Variants in LOXL4 observed in about 807,000 individuals in gnomAD.
The protein encoded by LOXL4 is lysyl oxidase homolog 4.
A neutral mutation model predicts 89.1 loss-of-function variants in LOXL4; 72 were observed. The observed-to-expected ratio is 0.81, with a 90% CI of 0.67 to 0.98. The LOEUF (loss-of-function observed/expected upper bound fraction) is 0.98. LOXL4 is among the 50% of genes least tolerant of loss of function. The pLI is 0.00. For missense variants in LOXL4, 984 were observed against 1,017.5 expected (o/e 0.97, Z 0.45); for synonymous variants, 355 against 392.1 (o/e 0.91, Z 1.12).
rs931398369 is a variant in LOXL4, at chr10:98,252,615, A to G, written c.1836-147T>C. ...TGCCCTTCTCCCTCCCAAACCCGAG[A>G]TTAGTGTGACGCACAGCCTCCTTTG... On this transcript the variant is annotated intron_variant, in intron 11 of 14. Transcript: ENST00000260702. 5 of 599,708 alleles carry G rather than the reference A, an allele frequency of 8.3e-6. No homozygotes were observed. In the African/African-American group the frequency reaches 9.4e-5, roughly 11 times the overall value. The allele number at this position is 599,708 out of a possible 1,614,324, so 37.1% of individuals were successfully genotyped here. A position where few individuals can be genotyped will look rare whatever the true frequency, so the allele number is the denominator to read the frequency against.
Position 98,262,722 on chromosome 10 carries a change from T to C in LOXL4, c.277+21A>G, listed in dbSNP as rs756494754. The stretch of plus-strand genomic sequence containing the variant: ...TGTTACCATCTCCTTGCCATCCCAC[T>C]AGGTGGCACCAGTCACTCACCCTCC... On this transcript the variant is annotated intron_variant, in intron 2 of 14. Coordinates refer to ENST00000260702, the MANE Select transcript of LOXL4 (RefSeq NM_032211.7). 3.1e-6 allele frequency: 5 copies of C among 1,603,562 alleles called. No individual in the cohort carries two copies. The South Asian group carries it at 4.4e-5, about 14-fold the overall frequency.
intron 8 of LOXL4, among the ~76,000 whole-genome samples, 172 bp downstream of exon 8, chr10:98,257,478 A>G (rs1379518156): frequency 2.0e-5 from 3 of 152,126 alleles, no homozygotes; most frequent in Non-Finnish European, 2.9e-5. Flanking sequence ...GGCCTCTGAC[A>G]TTTCGGAGGG....
intron 6 of LOXL4, 149 bp from the exon 7 acceptor site, chr10:98,258,313 T>A: frequency 1.4e-6 from 1 of 740,628 alleles, no homozygotes; most frequent in Non-Finnish European, 2.1e-6. Flanking sequence ...GCTTCTGACT[T>A]CCCATAGCTG....
chr10:98,264,103 T>A (rs1157838583), intron 1 of LOXL4, among the ~76,000 whole-genome samples: 1 of 151,932 alleles, frequency 6.6e-6, no homozygotes, highest in Admixed American at 6.6e-5. Flanking sequence ...TTGGATACCC[T>A]GTGATAGCCT....
At chr10:98,258,946 A>C in intron 6 of LOXL4, 63 bp downstream of exon 6, 1 of 1,363,230 alleles carries the variant, frequency 7.3e-7, no homozygotes, top group Non-Finnish European at 9.9e-7. Flanking sequence ...CGCACCCCCC[A>C]CCAGGCAGTG....
At chr10:98,251,449 G>T in intron 13 of LOXL4, 117 bp downstream of exon 13, 1 of 1,402,168 alleles carries the variant, frequency 7.1e-7, no homozygotes. Flanking sequence ...GCTCCTTTAA[G>T]TGACAGGCCT....
In LOXL4 at chr10:98,257,678, T is replaced by C; in HGVS notation, c.1232A>G (p.Asn411Ser). The C allele has an allele frequency of 6.2e-7, 1 of 1,614,060 alleles. No individual in the cohort carries two copies. Among genetic ancestry groups the C allele is most frequent in the Non-Finnish European group, 8.5e-7 (1 of 1,179,964 alleles). The change falls in exon 8 of 15, where the codon AAT becomes AGT. Residue 411 changes from asparagine (N) to serine (S), a missense_variant. Transcript: ENST00000260702. ...ATTCTGAAAGCCCATGTTAGGGACA[T>C]TGCACCTGACAGCAGCATCATTCTC... ...QHENDAAVRC[N>S]VPNMGFQNQV...
At chr10:98,253,840 G>A in intron 10 of LOXL4, 44 bp from the exon 11 acceptor site, 4 of 1,609,742 alleles carry the variant, frequency 2.5e-6, no homozygotes, top group Non-Finnish European at 3.4e-6. Context: ...GGGTGGAAAG[G>A]CAGCCAGTCT....
At chr10:98,252,195 T>G in intron 12 of LOXL4, 158 bp downstream of exon 12, 1 of 627,392 alleles carries the variant, frequency 1.6e-6, no homozygotes, top group Non-Finnish European at 2.8e-6. Context: ...TGCGTAAGAT[T>G]TCAGAAGGTA....
At chr10:98,256,569 A>G (rs1373796248) in intron 9 of LOXL4, 6 of 594,060 alleles carry the variant, frequency 1.0e-5, no homozygotes, top group Non-Finnish European at 1.8e-5. Flanking sequence ...TTTCCTGCAG[A>G]TGCAAATGTG....
intron 6 of LOXL4, 103 bp from the exon 7 acceptor site, chr10:98,258,267 C>T (rs942684061): frequency 3.3e-5 from 41 of 1,235,250 alleles, no homozygotes; most frequent in Non-Finnish European, 4.4e-5. Flanking sequence ...AGTTCCATGG[C>T]GGTGGCCAGA....
rs140654968 is a variant in LOXL4, at chr10:98,256,815, G to T, written c.1393C>A (p.Gln465Lys). Residue 465 changes from glutamine to lysine, a missense_variant, in exon 9 of 15, where the codon CAG becomes AAG. Transcript: ENST00000260702. ...GLTEAMVACRQLGLGFAIHAY... is the reference protein window; with the variant it reads ...GLTEAMVACRKLGLGFAIHAY... Reference sequence around the variant, plus strand: ...TGGATGGCAAAACCCAGGCCGAGCTGTCGGCAGGCCACCATGGCTTCGGTG... The same window carrying T: ...TGGATGGCAAAACCCAGGCCGAGCTTTCGGCAGGCCACCATGGCTTCGGTG... 6 of 1,614,174 alleles carry T rather than the reference G, an allele frequency of 3.7e-6. No individual in the cohort carries two copies. The highest frequency in any genetic ancestry group is 5.1e-6 in the Non-Finnish European group (6 of 1,180,040).
chr10:98,257,571 C>A, intron 8 of LOXL4, 79 bp downstream of exon 8: 1 of 1,515,758 alleles, frequency 6.6e-7, no homozygotes, highest in Admixed American at 1.9e-5. Context: ...CCTCTCCCCG[C>A]TAGCTCGATG....
At position 98,265,171 on chromosome 10, in the gene LOXL4, G is replaced by A. The variant is rs372614628; in HGVS notation, c.-32-2120C>T. On this transcript the variant is annotated intron_variant, in intron 1 of 14. Coordinates refer to ENST00000260702, the MANE Select transcript of LOXL4 (RefSeq NM_032211.7). ...CAGTGCTTGAGAGCACAGGCTGGGC[G>A]GTCAGACTGCTGGGGTTCGAATCCT... 1.1e-4 allele frequency among the ~76,000 whole-genome samples: 17 copies of A among 152,284 alleles called. 1 individual carries two copies. The highest frequency in any genetic ancestry group is 7.8e-4 in the Admixed American group (12 of 15,304).
intron 8 of LOXL4, 63 bp from the exon 9 acceptor site, chr10:98,257,010 A>G: frequency 6.4e-7 from 1 of 1,553,576 alleles, no homozygotes; most frequent in East Asian, 2.4e-5. Context: ...CAGGGCTGCG[A>G]GCCTGGAGGT....
Position 98,262,052 on chromosome 10 carries a change from T to C in LOXL4, c.439A>G (p.Asn147Asp). The change falls in exon 3 of 15, where the codon AAT becomes GAT. Residue 147 changes from asparagine (N) to aspartate (D), a missense_variant. By Grantham distance (23) the Asn-to-Asp change is conservative (BLOSUM62 1). Transcript: ENST00000260702. ...HRGYLSETVS[N>D]ALGPQGRRLE... Reference sequence around the variant, plus strand: ...CTCCTCACCTGGGGCCCAAGGGCATTGGAGACAGTTTCAGAAAGGTAGCCA... The same window carrying C: ...CTCCTCACCTGGGGCCCAAGGGCATCGGAGACAGTTTCAGAAAGGTAGCCA... 6.2e-7 allele frequency: 1 copy of C among 1,610,648 alleles called. No individual in the cohort carries two copies. The highest frequency in any genetic ancestry group is 8.5e-7 in the Non-Finnish European group (1 of 1,178,510).
intron 12 of LOXL4, chr10:98,251,957 C>T: frequency 1.9e-6 from 1 of 533,822 alleles, no homozygotes; most frequent in Non-Finnish European, 3.3e-6. Context: ...TGCTAATTTA[C>T]TTGTGCATCC....
At chr10:98,254,681 C>T (rs1241516787) in intron 10 of LOXL4, among the ~76,000 whole-genome samples, 3 of 152,178 alleles carry the variant, frequency 2.0e-5, no homozygotes, top group African/African-American at 2.4e-5. Context: ...TCAAGAAGAG[C>T]GCTCCCACTG....
chr10:98,259,309 G>A lies in LOXL4; in HGVS notation c.702-81C>T, dbSNP rs998870109. On this transcript the variant is annotated intron_variant, in intron 5 of 14. Coordinates refer to ENST00000260702, the MANE Select transcript of LOXL4 (RefSeq NM_032211.7). ...CTAAGGGAGGCCAAGGTAGAAAGGA[G>A]GGAAGGGGAGGGTAGGGGATGGGAT... 1.2e-4 allele frequency: 193 copies of A among 1,579,084 alleles called. 1 individual carries two copies. The highest frequency in any genetic ancestry group is 1.6e-4 in the Non-Finnish European group (190 of 1,152,190).
Sources: allele counts gnomAD v4.1 joint callset (sites outside exome capture counted in the v4.1 genomes callset), GRCh38; gene constraint gnomAD v4.1.1; transcripts MANE v1.5; gene names NCBI Gene and HGNC (gene_info 2026-07-23, HGNC 2026-07-21).